ULK4: variants seen among roughly 807,000 people sequenced by gnomAD.
ULK4 encodes the protein inactive serine/threonine-protein kinase ULK4.
In ULK4, 133 loss-of-function variants were observed where a neutral mutation model predicts 160.6. The observed-to-expected ratio is 0.83, with a 90% CI of 0.72 to 0.96. The LOEUF (loss-of-function observed/expected upper bound fraction) is 0.96. Among genes scored for constraint, ULK4 ranks in the 40% least tolerant of loss-of-function variants. The pLI is 0.00. For missense variants in ULK4, 1,580 were observed against 1,499.5 expected, an observed-to-expected ratio of 1.05 and a Z score of -0.89; for synonymous variants, 534 against 539.8, an observed-to-expected ratio of 0.99 and a Z score of 0.15.
intron 35 of ULK4, among the ~76,000 whole-genome samples, chr3:41,340,140 ATAT>A (rs1160289238): frequency 1.3e-5 from 2 of 152,262 alleles, no homozygotes; most frequent in Non-Finnish European, 2.9e-5. Context: ...TGGAAAGTAT[ATAT>A]TATTTCTACT....
chr3:41,272,774 T>C (rs570257794), intron 35 of ULK4, among the ~76,000 whole-genome samples: 1 of 152,328 alleles, frequency 6.6e-6, no homozygotes, highest in East Asian at 1.9e-4. Flanking sequence ...CCAACAGTTA[T>C]CTTTATTTAT....
At chr3:41,673,126 C>A (rs1395723595) in intron 29 of ULK4, among the ~76,000 whole-genome samples, 1 of 151,874 alleles carries the variant, frequency 6.6e-6, no homozygotes, top group East Asian at 1.9e-4. Flanking sequence ...ATGTGTGAGC[C>A]AACATACCCA....
intron 31 of ULK4, among the ~76,000 whole-genome samples, chr3:41,587,146 G>A (rs2125638771): frequency 6.6e-6 from 1 of 152,264 alleles, no homozygotes; most frequent in Admixed American, 6.5e-5. Context: ...TAAGACTGAA[G>A]TGTCTGTTCT....
intron 17 of ULK4, among the ~76,000 whole-genome samples, chr3:41,854,417 G>A (rs1234530451): frequency 6.6e-6 from 1 of 152,168 alleles, no homozygotes; most frequent in Non-Finnish European, 1.5e-5. Context: ...TGGAAATCAT[G>A]AGATCTGGGA....
At position 41,729,258 on chromosome 3, in the gene ULK4, C is replaced by A. The variant is rs114948390; in HGVS notation, c.2322-11397G>T. Among the ~76,000 whole-genome samples, 1,006 of 152,238 alleles carry A rather than the reference C, an allele frequency of 6.6e-3. 12 individuals are homozygous for A. The highest frequency in any genetic ancestry group is 0.023 in the African/African-American group (966 of 41,558). ...TTCCCCCTACAAGAAAAAGGTAAAGCAAGGAGCCCCCAGTAGCTCCCACGA... is the reference window on the plus strand; with the variant it reads ...TTCCCCCTACAAGAAAAAGGTAAAGAAAGGAGCCCCCAGTAGCTCCCACGA... On this transcript the variant is annotated intron_variant, in intron 22 of 36. Transcript: ENST00000301831.
intron 17 of ULK4, among the ~76,000 whole-genome samples, chr3:41,838,309 T>C (rs2041818786): frequency 6.6e-6 from 1 of 152,174 alleles, no homozygotes; most frequent in Non-Finnish European, 1.5e-5. Context: ...AAATGTCTGA[T>C]TGGGTTCTAA....
intron 18 of ULK4, among the ~76,000 whole-genome samples, chr3:41,832,134 T>C (rs1026379404): frequency 6.6e-6 from 1 of 151,894 alleles, no homozygotes; most frequent in Non-Finnish European, 1.5e-5. Flanking sequence ...TCCACAACGG[T>C]TGAACCAATG....
At chr3:41,651,838 C>T (rs949175828) in intron 30 of ULK4, among the ~76,000 whole-genome samples, 14 of 152,144 alleles carry the variant, frequency 9.2e-5, no homozygotes, top group Non-Finnish European at 2.1e-4. Flanking sequence ...GCAGTTCTGA[C>T]CAAAGACCAA....
At chr3:41,887,832 A>C (rs571147533) in intron 16 of ULK4, among the ~76,000 whole-genome samples, 1 of 152,074 alleles carries the variant, frequency 6.6e-6, no homozygotes, top group African/African-American at 2.4e-5. Flanking sequence ...TCAAAAAAAA[A>C]AAAGCACTTC....
chr3:41,591,345 G>C (rs1236803299), intron 31 of ULK4, among the ~76,000 whole-genome samples: 1 of 152,146 alleles, frequency 6.6e-6, no homozygotes, highest in African/African-American at 2.4e-5. Flanking sequence ...GTGGAGGGTA[G>C]GGAAAGTTTT....
At chr3:41,335,297 C>G (rs2080531558) in intron 35 of ULK4, among the ~76,000 whole-genome samples, 1 of 152,168 alleles carries the variant, frequency 6.6e-6, no homozygotes, top group African/African-American at 2.4e-5. Flanking sequence ...TGATCTGCTC[C>G]TTGTAAAGAA....
rs183008490 is a variant in ULK4 at position 41,413,175 on chromosome 3, C to T, written c.3493-14911G>A. Among the ~76,000 whole-genome samples the T allele has an allele frequency of 1.2e-4, 18 of 152,228 alleles. No homozygotes were observed. In the East Asian group the frequency reaches 3.3e-3, roughly 28 times the overall value. The stretch of plus-strand genomic sequence containing the variant: ...TTCCCCTTAAAAAACCATCAGCTCT[C>T]GTGAGACTTACTACCAGGGGAACAG... On this transcript the variant is annotated intron_variant, in intron 34 of 36. Coordinates refer to ENST00000301831, the MANE Select transcript of ULK4 (RefSeq NM_017886.4).
At chr3:41,306,101 CGG>C (rs2079917364) in intron 35 of ULK4, among the ~76,000 whole-genome samples, 1 of 144,922 alleles carries the variant, frequency 6.9e-6, no homozygotes, top group Admixed American at 6.8e-5. Context: ...CGTCTCCGCC[CGG>C]CCGCCACCCC....
At chr3:41,473,444 T>G (rs977223158) in intron 32 of ULK4, among the ~76,000 whole-genome samples, 1 of 151,858 alleles carries the variant, frequency 6.6e-6, no homozygotes, top group Admixed American at 6.6e-5. Context: ...GGAGGATCAC[T>G]TGCAGTCAGG....
intron 5 of ULK4, among the ~76,000 whole-genome samples, chr3:41,931,140 AC>A (rs1699580689): frequency 6.6e-6 from 1 of 152,226 alleles, no homozygotes; most frequent in Non-Finnish European, 1.5e-5. Context: ...ACCACAGAAT[AC>A]TATGCAGCCA....
rs572126405 is a variant in ULK4, at chr3:41,334,703, G to T, written c.3678+63376C>A. On this transcript the variant is annotated intron_variant, in intron 35 of 36. Coordinates refer to ENST00000301831, the MANE Select transcript of ULK4 (RefSeq NM_017886.4). ...ATACCATTAAAACAAAGAGTTCTAGGTCTTTGAAGTGTACTGCCTACAGAA... is the reference window on the plus strand; with the variant it reads ...ATACCATTAAAACAAAGAGTTCTAGTTCTTTGAAGTGTACTGCCTACAGAA... Among the ~76,000 whole-genome samples the T allele has an allele frequency of 2.6e-5, 4 of 152,224 alleles. No individual in the cohort carries two copies. In the South Asian group the frequency reaches 8.3e-4, roughly 32 times the overall value.
chr3:41,629,302 C>T (rs1338446745), intron 30 of ULK4, among the ~76,000 whole-genome samples: 2 of 152,146 alleles, frequency 1.3e-5, no homozygotes, highest in Admixed American at 6.5e-5. Context: ...ACACTTCTGG[C>T]ACCTGGGCTG....
chr3:41,610,078 G>A (rs7650049), intron 31 of ULK4, among the ~76,000 whole-genome samples: 29,815 of 150,544 alleles, frequency 0.2, 3,110 homozygotes, highest in African/African-American at 0.25. Context: ...ATGCAGTGGC[G>A]TGATCTCAGC....
At chr3:41,719,318 T>C (rs2125847911) in intron 22 of ULK4, among the ~76,000 whole-genome samples, 1 of 152,310 alleles carries the variant, frequency 6.6e-6, no homozygotes. Flanking sequence ...TGATTTAAAT[T>C]ACCACTTATC....
Sources: gnomAD v4.1 joint callset for allele counts (sites outside exome capture counted in the v4.1 genomes callset) on GRCh38, gnomAD v4.1.1 for gene constraint, MANE v1.5 for transcripts, NCBI Gene and HGNC (gene_info 2026-07-23, HGNC 2026-07-21) for gene names.